ZNF536: variants seen among roughly 807,000 people sequenced by gnomAD.
ZNF536 encodes zinc finger protein 536.
Under a neutral mutation model 84.5 loss-of-function variants are expected in ZNF536, and 13 were observed. That is an observed-to-expected ratio of 0.15 (90% CI 0.10 to 0.24). The LOEUF (loss-of-function observed/expected upper bound fraction) is 0.24, where lower values mean the gene tolerates loss of function less well. ZNF536 is among the 10% of genes least tolerant of loss of function. The pLI is 1.00. For synonymous variants in ZNF536, 811 were observed against 742.5 expected, an observed-to-expected ratio of 1.09 and a Z score of -1.50; for missense variants, 1,536 against 1,747.5, an observed-to-expected ratio of 0.88 and a Z score of 2.16.
intron 1 of ZNF536, chr19:30,436,627 T>C (rs2051761466): frequency 7.2e-6 from 3 of 414,688 alleles, no homozygotes; most frequent in Non-Finnish European, 9.7e-6. Context: ...CAGGAGTGTA[T>C]TATGCTTATA....
chr19:30,602,665 C>T (rs1297886166), intron 1 of ZNF536, among the ~76,000 whole-genome samples: 2 of 152,114 alleles, frequency 1.3e-5, no homozygotes, highest in Non-Finnish European at 2.9e-5. Context: ...TCCAGGCTAC[C>T]GATTCCGAGA....
chr19:30,447,114 C>T (rs1218556793), intron 2 of ZNF536, among the ~76,000 whole-genome samples: 1 of 152,204 alleles, frequency 6.6e-6, no homozygotes, highest in African/African-American at 2.4e-5. Context: ...GTTTGAGGCA[C>T]CTCGAGGCAC....
chr19:30,415,682 C>T (rs887598282), intron 1 of ZNF536, among the ~76,000 whole-genome samples: 3 of 152,078 alleles, frequency 2.0e-5, no homozygotes, highest in African/African-American at 7.2e-5. Flanking sequence ...ATGATCTCGG[C>T]TCACTGCAAG....
At chr19:30,440,757 C>A (rs887596277) in intron 1 of ZNF536, among the ~76,000 whole-genome samples, 8 of 152,068 alleles carry the variant, frequency 5.3e-5, no homozygotes, top group Non-Finnish European at 1.2e-4. Context: ...AGAATAAGAA[C>A]AGAGCCAACT....
intron 1 of ZNF536, among the ~76,000 whole-genome samples, chr19:30,438,555 T>C (rs924084857): frequency 6.6e-6 from 1 of 152,172 alleles, no homozygotes; most frequent in Non-Finnish European, 1.5e-5. Context: ...ATATTCCCTA[T>C]GGGGCCTGTA....
At chr19:30,291,774 T>C (rs1427568318) in intron 2 of ZNF536, among the ~76,000 whole-genome samples, 1 of 152,230 alleles carries the variant, frequency 6.6e-6, no homozygotes, top group East Asian at 1.9e-4. Flanking sequence ...CTAGCAGCCA[T>C]CTTCATGGGT....
At chr19:30,684,815 C>T (rs926834316) in intron 1 of ZNF536, among the ~76,000 whole-genome samples, 14 of 152,126 alleles carry the variant, frequency 9.2e-5, no homozygotes, top group African/African-American at 1.7e-4. Flanking sequence ...ACATGGGCAG[C>T]GGTCGGGACC....
In ZNF536 at chr19:30,594,126, T is replaced by C. The variant is rs1729973239; in HGVS notation, c.169+44612T>C. ...GTGATCCAGGGACCTTTCTCTGCAT[T>C]CCCCAGAAGCACAATCAATAGGCGT... On this transcript the variant is annotated intron_variant, in intron 1 of 1. Transcript: ENST00000592773. Among the ~76,000 whole-genome samples the C allele has an allele frequency of 2.0e-5, 3 of 152,198 alleles. No individual in the cohort carries two copies. The South Asian group carries it at 6.2e-4, about 32-fold the overall frequency.
chr19:30,443,704 C>T lies in ZNF536; in HGVS notation c.142C>T (p.Pro48Ser), dbSNP rs1383210220. Residue 48 changes from proline to serine, a missense_variant, in exon 2 of 5, where the codon CCC (proline) becomes TCC (serine). Coordinates refer to ENST00000355537, the MANE Select transcript of ZNF536 (RefSeq NM_014717.3). ...QITSQLSHAF[P>S]ELHPRPNPEE... ...CACCTCCCAGCTCAGCCATGCCTTC[C>T]CCGAGCTCCATCCCCGGCCCAACCC... 2.5e-6 allele frequency: 4 copies of T among 1,613,812 alleles called. No homozygotes were observed. The South Asian group carries it at 4.4e-5, about 18-fold the overall frequency.
At chr19:30,455,838 A>G (rs1316759718) in intron 2 of ZNF536, among the ~76,000 whole-genome samples, 1 of 152,226 alleles carries the variant, frequency 6.6e-6, no homozygotes, top group Non-Finnish European at 1.5e-5. Context: ...TTTAATTCAT[A>G]CTTTTCCAGT....
chr19:30,240,433 C>T (rs567311249), intron 1 of ZNF536, among the ~76,000 whole-genome samples: 1 of 152,242 alleles, frequency 6.6e-6, no homozygotes, highest in African/African-American at 2.4e-5. Context: ...TCCAGAACCC[C>T]AAGGGGACTG....
chr19:30,361,582 C>T (rs1030450355), intron 3 of ZNF536, among the ~76,000 whole-genome samples: 4 of 152,054 alleles, frequency 2.6e-5, no homozygotes, highest in Admixed American at 6.5e-5. Context: ...TCCATGAAGG[C>T]GTCAAACACG....
At chr19:30,626,847 C>T (rs1420369957) in intron 1 of ZNF536, among the ~76,000 whole-genome samples, 2 of 152,202 alleles carry the variant, frequency 1.3e-5, no homozygotes, top group African/African-American at 4.8e-5. Flanking sequence ...ACGGCCCCCA[C>T]CCCGGCCACC....
intron 2 of ZNF536, among the ~76,000 whole-genome samples, chr19:30,328,795 G>T (rs139419479): frequency 6.6e-6 from 1 of 152,200 alleles, no homozygotes; most frequent in Non-Finnish European, 1.5e-5. Context: ...TGAAGCTGGC[G>T]TTGCCAGGGG....
chr19:30,278,310 G>A (rs965458812), intron 1 of ZNF536, among the ~76,000 whole-genome samples: 11 of 152,160 alleles, frequency 7.2e-5, no homozygotes, highest in African/African-American at 2.4e-4. Flanking sequence ...TCGTTTGAGT[G>A]GTTTCCACAG....
chr19:30,524,218 T>C (rs1192796906), intron 2 of ZNF536, among the ~76,000 whole-genome samples: 2 of 152,216 alleles, frequency 1.3e-5, no homozygotes, highest in East Asian at 1.9e-4. Flanking sequence ...TAATTGTTTA[T>C]CATGTATCTC....
chr19:30,710,827 C>T (rs1329309800), exon 2 of ZNF536: 1 of 152,222 alleles, frequency 6.6e-6, no homozygotes, highest in African/African-American at 2.4e-5. Context: ...AGACCCATGT[C>T]CTCTGCGTCC....
chr19:30,346,345 A>T (rs567732431), intron 2 of ZNF536, among the ~76,000 whole-genome samples: 1 of 152,224 alleles, frequency 6.6e-6, no homozygotes, highest in South Asian at 2.1e-4. Flanking sequence ...ATTTATTTAT[A>T]ACTTTTGTTT....
At chr19:30,563,787 G>T (rs1272297707) in intron 1 of ZNF536, among the ~76,000 whole-genome samples, 1 of 152,162 alleles carries the variant, frequency 6.6e-6, no homozygotes, top group Non-Finnish European at 1.5e-5. Flanking sequence ...AGGAGGGAGA[G>T]GTGCTGGGCG....
Sources: allele counts gnomAD v4.1 joint callset (sites outside exome capture counted in the v4.1 genomes callset), GRCh38; gene constraint gnomAD v4.1.1; transcripts MANE v1.5; gene names NCBI Gene and HGNC (gene_info 2026-07-23, HGNC 2026-07-21).